The following TNFRSF21 variants were observed in gnomAD, a reference collection of about 807,000 sequenced individuals.
TNFRSF21 encodes tumor necrosis factor receptor superfamily member 21.
A neutral mutation model predicts 45.6 loss-of-function variants in TNFRSF21; 19 were observed. That is an observed-to-expected ratio of 0.42 (90% CI 0.29 to 0.61). The LOEUF is 0.61. TNFRSF21 is among the 20% of genes least tolerant of loss of function. The pLI is 0.23. For missense variants in TNFRSF21, 737 were observed against 851.5 expected (o/e 0.87, Z 1.67); for synonymous variants, 314 against 335.5 (o/e 0.94, Z 0.70).
chr6:47,260,811 T>C (rs1185879271), intron 3 of TNFRSF21, among the ~76,000 whole-genome samples: 1 of 152,114 alleles, frequency 6.6e-6, no homozygotes, highest in Admixed American at 6.5e-5. Flanking sequence ...AAGAGACAGG[T>C]TTATAAACTT....
intron 3 of TNFRSF21, among the ~76,000 whole-genome samples, chr6:47,277,770 A>G (rs957879459): frequency 2.0e-5 from 3 of 152,286 alleles, no homozygotes; most frequent in African/African-American, 7.2e-5. Flanking sequence ...GTCCATGACT[A>G]GGAAATGGCA....
intron 3 of TNFRSF21, among the ~76,000 whole-genome samples, chr6:47,271,584 T>C (rs947525495): frequency 6.6e-6 from 1 of 152,122 alleles, no homozygotes; most frequent in Non-Finnish European, 1.5e-5. Context: ...AGACTGTCGA[T>C]GCTATGAAGA....
intron 1 of TNFRSF21, among the ~76,000 whole-genome samples, chr6:47,304,123 G>A (rs1036968230): frequency 6.6e-6 from 1 of 152,092 alleles, no homozygotes; most frequent in South Asian, 2.1e-4. Context: ...AGAAGTTGCT[G>A]GTGACCTGGC....
intron 3 of TNFRSF21, among the ~76,000 whole-genome samples, chr6:47,279,312 G>A (rs1203606783): frequency 1.3e-5 from 2 of 152,124 alleles, no homozygotes; most frequent in African/African-American, 2.4e-5. Context: ...AAATAGTAAC[G>A]GCACAAATTA....
intron 3 of TNFRSF21, among the ~76,000 whole-genome samples, chr6:47,271,093 T>A (rs1310588635): frequency 6.6e-6 from 1 of 152,176 alleles, no homozygotes; most frequent in Non-Finnish European, 1.5e-5. Context: ...AAAACACTCT[T>A]CAGAATATTA....
intron 3 of TNFRSF21, among the ~76,000 whole-genome samples, chr6:47,261,714 T>C (rs1346034107): frequency 6.6e-6 from 1 of 152,204 alleles, no homozygotes; most frequent in East Asian, 1.9e-4. Flanking sequence ...TGGCCAGAGC[T>C]CATAAGCAGG....
intron 1 of TNFRSF21, among the ~76,000 whole-genome samples, chr6:47,304,096 A>G (rs1229082872): frequency 6.6e-6 from 1 of 152,196 alleles, no homozygotes; most frequent in Non-Finnish European, 1.5e-5. Flanking sequence ...ACAGAAGAGA[A>G]GCACCTGAGT....
intron 1 of TNFRSF21, among the ~76,000 whole-genome samples, chr6:47,294,328 G>A (rs1762767408): frequency 6.6e-6 from 1 of 152,164 alleles, no homozygotes; most frequent in African/African-American, 2.4e-5. Flanking sequence ...TATTTTAGTA[G>A]AGACAGGGTT....
chr6:47,296,325 G>A (rs1380497762), intron 1 of TNFRSF21, among the ~76,000 whole-genome samples: 2 of 152,122 alleles, frequency 1.3e-5, no homozygotes, highest in East Asian at 1.9e-4. Context: ...ATAGTGTGCC[G>A]AGCAGCCCAG....
Position 47,290,572 on chromosome 6 carries a change from T to A in TNFRSF21, c.97-3977A>T, listed in dbSNP as rs185675246. 7.2e-5 allele frequency among the ~76,000 whole-genome samples: 11 copies of A among 152,338 alleles called. No individual in the cohort carries two copies. In the East Asian group the frequency reaches 2.1e-3, roughly 29 times the overall value. ...TCAGACTGTAAGTGGATTTTAGAGC[T>A]CTTTGTTCATTTGGAATAACAGATC... is the stretch of plus-strand genomic sequence containing the variant. On this transcript the variant is annotated intron_variant, in intron 1 of 5. Transcript: ENST00000296861.
At chr6:47,254,257 G>A (rs1419891038) in intron 3 of TNFRSF21, among the ~76,000 whole-genome samples, 1 of 152,216 alleles carries the variant, frequency 6.6e-6, no homozygotes, top group Non-Finnish European at 1.5e-5. Context: ...GGATATGGTG[G>A]ACAAAGGGAT....
At chr6:47,306,375 G>C (rs1239443537) in intron 1 of TNFRSF21, among the ~76,000 whole-genome samples, 2 of 152,196 alleles carry the variant, frequency 1.3e-5, no homozygotes, top group Non-Finnish European at 2.9e-5. Context: ...GAAACACGCA[G>C]TGTGGCACAG....
intron 1 of TNFRSF21, among the ~76,000 whole-genome samples, chr6:47,303,890 C>T (rs1425178291): frequency 1.3e-5 from 2 of 152,250 alleles, no homozygotes; most frequent in African/African-American, 4.8e-5. Flanking sequence ...GCTGTTGCTG[C>T]TACAGCCACA....
At chr6:47,278,660 C>T (rs1363545693) in intron 3 of TNFRSF21, among the ~76,000 whole-genome samples, 3 of 152,216 alleles carry the variant, frequency 2.0e-5, no homozygotes, top group African/African-American at 4.8e-5. Flanking sequence ...GGAGACAAAC[C>T]ACATAGCCAC....
chr6:47,243,452 G>A (rs1000675462), intron 4 of TNFRSF21, among the ~76,000 whole-genome samples: 4 of 151,492 alleles, frequency 2.6e-5, no homozygotes, highest in Middle Eastern at 6.8e-3. Flanking sequence ...TGTTTTTTTC[G>A]TGTCTCCCAG....
intron 4 of TNFRSF21, among the ~76,000 whole-genome samples, chr6:47,250,257 T>A (rs1242902512): frequency 6.6e-6 from 1 of 152,236 alleles, no homozygotes; most frequent in Non-Finnish European, 1.5e-5. Context: ...TTTTGTTTTT[T>A]AATAGCTTTG....
intron 2 of TNFRSF21, among the ~76,000 whole-genome samples, chr6:47,284,892 T>A (rs904667603): frequency 6.6e-6 from 1 of 152,212 alleles, no homozygotes; most frequent in Admixed American, 6.5e-5. Context: ...AGAATTCAAA[T>A]GCAAATTTGA....
intron 3 of TNFRSF21, among the ~76,000 whole-genome samples, chr6:47,271,938 A>C (rs10948342): frequency 0.13 from 19,162 of 152,230 alleles, 2,043 homozygotes; most frequent in East Asian, 0.46. Context: ...CATAATGGTA[A>C]AGGGATCAAT....
chr6:47,279,914 T>C (rs1391489701), intron 3 of TNFRSF21, among the ~76,000 whole-genome samples: 3 of 152,150 alleles, frequency 2.0e-5, no homozygotes, highest in African/African-American at 7.2e-5. Flanking sequence ...GAGTACAAAA[T>C]ACCACAGCAC....
Sources: allele counts gnomAD v4.1 joint callset (sites outside exome capture counted in the v4.1 genomes callset), GRCh38; gene constraint gnomAD v4.1.1; transcripts MANE v1.5; gene names NCBI Gene and HGNC (gene_info 2026-07-23, HGNC 2026-07-21).